ME1: variants seen among roughly 807,000 people sequenced by gnomAD.
ME1 encodes NADP-dependent malic enzyme.
A neutral mutation model predicts 66.4 loss-of-function variants in ME1; 74 were observed. The ratio of observed to expected loss-of-function variants is 1.11; its 90% CI spans 0.92 to 1.35. The LOEUF (loss-of-function observed/expected upper bound fraction) is 1.35, where lower values mean the gene tolerates loss of function less well. ME1 is among the 40% of genes most tolerant of loss of function. The probability of loss-of-function intolerance (pLI) is 0.00; values close to 1 mark genes in which losing one functional copy is unlikely to be tolerated. For synonymous variants in ME1, 251 were observed against 235.6 expected, an observed-to-expected ratio of 1.07 and a Z score of -0.60; for missense variants, 750 against 694.1, an observed-to-expected ratio of 1.08 and a Z score of -0.90.
intron 7 of ME1, among the ~76,000 whole-genome samples, chr6:83,240,689 T>C (rs1790495256): frequency 6.6e-6 from 1 of 152,160 alleles, no homozygotes; most frequent in South Asian, 2.1e-4. Context: ...AATACCCTTA[T>C]TTAACATTAT....
intron 3 of ME1, among the ~76,000 whole-genome samples, chr6:83,364,123 A>ATCCC (rs1769055000): frequency 1.3e-5 from 2 of 152,144 alleles, no homozygotes; most frequent in African/African-American, 2.4e-5. Flanking sequence ...TGGGCTGGGA[A>ATCCC]AGGCATACCC....
intron 3 of ME1, among the ~76,000 whole-genome samples, chr6:83,390,228 G>T (rs1193612209): frequency 6.6e-6 from 1 of 152,102 alleles, no homozygotes; most frequent in African/African-American, 2.4e-5. Context: ...TTGTAACTAT[G>T]TTAAGCTCAG....
chr6:83,303,177 T>A (rs934219033), intron 6 of ME1, among the ~76,000 whole-genome samples: 2 of 152,174 alleles, frequency 1.3e-5, no homozygotes, highest in Non-Finnish European at 2.9e-5. Context: ...TACAATCAGA[T>A]GATACTGATA....
intron 5 of ME1, among the ~76,000 whole-genome samples, chr6:83,321,063 C>G (rs1174143853): frequency 6.6e-6 from 1 of 152,138 alleles, no homozygotes; most frequent in Non-Finnish European, 1.5e-5. Flanking sequence ...TAGGGAACTC[C>G]CTCCCCTAGC....
At chr6:83,407,645 A>T in intron 2 of ME1, 123 bp downstream of exon 2, 1 of 944,916 alleles carries the variant, frequency 1.1e-6, no homozygotes, top group Non-Finnish European at 1.5e-6. Flanking sequence ...TTTACAGGAA[A>T]ATTCTTCTCA....
chr6:83,222,947 A>G (rs1233221032), intron 12 of ME1, among the ~76,000 whole-genome samples: 2 of 152,088 alleles, frequency 1.3e-5, no homozygotes, highest in Non-Finnish European at 2.9e-5. Context: ...TCTTTTAATG[A>G]TTTTATAAAC....
chr6:83,263,785 TAACATAACATAACATAACATAAC>T (rs1766939412), intron 6 of ME1, among the ~76,000 whole-genome samples: 2 of 133,688 alleles, frequency 1.5e-5, no homozygotes, highest in African/African-American at 3.0e-5. Flanking sequence ...TAACATAACA[TAACATAACATAACATAACATAAC>T]ATAACATAAC....
chr6:83,328,338 G>A (rs1442685131), intron 5 of ME1, among the ~76,000 whole-genome samples: 4 of 152,080 alleles, frequency 2.6e-5, no homozygotes, highest in Non-Finnish European at 5.9e-5. Flanking sequence ...CAAGGGGAGG[G>A]ATAGCATTAG....
intron 3 of ME1, among the ~76,000 whole-genome samples, chr6:83,395,818 C>A (rs1583415923): frequency 1.4e-5 from 2 of 147,552 alleles, no homozygotes; most frequent in African/African-American, 2.5e-5. Flanking sequence ...AAGTCCTAGC[C>A]AAAACAATTA....
At chr6:83,224,697 AT>A (rs1232311413) in intron 11 of ME1, among the ~76,000 whole-genome samples, 158 of 109,648 alleles carry the variant, frequency 1.4e-3, no homozygotes, top group African/African-American at 5.3e-3. Context: ...AAAAAAAAAA[AT>A]AAAAATAATA....
At chr6:83,265,133 C>T (rs952167635) in intron 6 of ME1, among the ~76,000 whole-genome samples, 1 of 152,164 alleles carries the variant, frequency 6.6e-6, no homozygotes, top group African/African-American at 2.4e-5. Context: ...AAGCAAGACC[C>T]TCCACCAGCA....
Position 83,421,629 on chromosome 6 carries a change from GC to G in ME1, c.78+9247del, listed in dbSNP as rs2128553521. Among the ~76,000 whole-genome samples the G allele has an allele frequency of 1.3e-5, 2 of 152,132 alleles. 1 individual carries two copies. Among genetic ancestry groups the G allele is most frequent in the Admixed American group, 1.3e-4 (2 of 15,266 alleles). On this transcript the variant is annotated intron_variant, in intron 1 of 13. Transcript: ENST00000369705. ...TTTTTCTCTCTGCTGTAATCAACTGGCCTTGACTCAAAAGCAGCAGAAAAGC... is the reference window on the plus strand; with the variant it reads ...TTTTTCTCTCTGCTGTAATCAACTGGCTTGACTCAAAAGCAGCAGAAAAGC...
chr6:83,371,400 T>C (rs770999752), intron 3 of ME1, among the ~76,000 whole-genome samples: 2 of 152,144 alleles, frequency 1.3e-5, no homozygotes, highest in Non-Finnish European at 2.9e-5. Context: ...ATCAGTCTCA[T>C]TTCCTATTCT....
At chr6:83,342,777 C>A (rs971779131) in intron 5 of ME1, among the ~76,000 whole-genome samples, 1 of 152,012 alleles carries the variant, frequency 6.6e-6, no homozygotes, top group Admixed American at 6.6e-5. Flanking sequence ...AACCTCCATC[C>A]CTGGGTTCAA....
chr6:83,224,403 C>A (rs1222361136), intron 11 of ME1, among the ~76,000 whole-genome samples: 1 of 152,052 alleles, frequency 6.6e-6, no homozygotes, highest in Admixed American at 6.6e-5. Flanking sequence ...GTTATGTGGG[C>A]TAGGCACAGT....
chr6:83,354,240 C>T (rs543223290), intron 3 of ME1, among the ~76,000 whole-genome samples: 75 of 152,286 alleles, frequency 4.9e-4, no homozygotes, highest in African/African-American at 1.3e-3. Flanking sequence ...GATTCTCCTG[C>T]CTCAGCCTCT....
At chr6:83,236,872 G>A (rs1790409708) in intron 9 of ME1, among the ~76,000 whole-genome samples, 1 of 151,956 alleles carries the variant, frequency 6.6e-6, no homozygotes, top group South Asian at 2.1e-4. Flanking sequence ...ATATCTAGGT[G>A]TTTCATCTGT....
At chr6:83,369,845 A>G (rs1769164903) in intron 3 of ME1, among the ~76,000 whole-genome samples, 1 of 152,188 alleles carries the variant, frequency 6.6e-6, no homozygotes, top group African/African-American at 2.4e-5. Flanking sequence ...TATATTTCCA[A>G]TCAAATTAAC....
chr6:83,357,427 A>G (rs1000691937), intron 3 of ME1, among the ~76,000 whole-genome samples: 5 of 152,200 alleles, frequency 3.3e-5, no homozygotes, highest in African/African-American at 1.2e-4. Context: ...AATCTATTGC[A>G]AATATAATGT....
Sources: gnomAD v4.1 joint callset for allele counts (sites outside exome capture counted in the v4.1 genomes callset) on GRCh38, gnomAD v4.1.1 for gene constraint, MANE v1.5 for transcripts, NCBI Gene and HGNC (gene_info 2026-07-23, HGNC 2026-07-21) for gene names.